The following PGBD5 variants were observed in gnomAD, a reference collection of about 807,000 sequenced individuals.
PGBD5 encodes piggyBac transposable element derived 5, also known as piggyBac transposable element-derived protein 5.
In PGBD5, 14 loss-of-function variants were observed where a neutral mutation model predicts 47.9. The ratio of observed to expected loss-of-function variants is 0.29; its 90% CI spans 0.19 to 0.46. The LOEUF (loss-of-function observed/expected upper bound fraction) is 0.46, where lower values mean the gene tolerates loss of function less well. PGBD5 is among the 20% of genes least tolerant of loss of function. PGBD5 has a pLI of 1.00. For synonymous variants in PGBD5, 316 were observed against 306.3 expected (o/e 1.03, Z -0.33); for missense variants, 635 against 716.0 (o/e 0.89, Z 1.29).
rs1000689634 is a variant in PGBD5 at position 230,380,994 on chromosome 1, G to A, written c.332-23673C>T. ...CAGGAGTGGGTGGCCGTCTGCGGCCGTGTTCTCCCTAGAGAGGAGTGACAA... is the reference window on the plus strand; with the variant it reads ...CAGGAGTGGGTGGCCGTCTGCGGCCATGTTCTCCCTAGAGAGGAGTGACAA... On this transcript the variant is annotated intron_variant, in intron 1 of 6. Transcript: ENST00000391860. Among the ~76,000 whole-genome samples the A allele has an allele frequency of 5.9e-5, 9 of 152,244 alleles. No individual in the cohort carries two copies. The East Asian group carries it at 1.3e-3, about 23-fold the overall frequency.
At chr1:230,393,949 G>A (rs958971067) in intron 1 of PGBD5, among the ~76,000 whole-genome samples, 11 of 151,874 alleles carry the variant, frequency 7.2e-5, no homozygotes, top group African/African-American at 9.7e-5. Flanking sequence ...CACCTGCCCC[G>A]GCCTGGCATC....
chr1:230,425,930 G>A lies in PGBD5; in HGVS notation c.-2C>T, dbSNP rs1412223399. ...CGCGCCCCCGCCGCCCTCGGCCATGGCCCCGGCCGCCGCCCGCGCGCCCGC... is the reference window on the plus strand; with the variant it reads ...CGCGCCCCCGCCGCCCTCGGCCATGACCCCGGCCGCCGCCCGCGCGCCCGC... On this transcript the variant is annotated 5_prime_UTR_variant, in exon 1 of 7. Coordinates refer to ENST00000391860, the MANE Select transcript of PGBD5 (RefSeq NM_001258311.2). This position sits in a 1 kb window ranked among gnomAD's most constrained non-coding sequence, Gnocchi z 4.7. 11 of 976,564 alleles carry A rather than the reference G, an allele frequency of 1.1e-5. No homozygotes were observed. The highest frequency in any genetic ancestry group is 1.2e-5 in the Non-Finnish European group (10 of 839,082). The allele number at this position is 976,564 out of a possible 1,614,324, so 60.5% of individuals were successfully genotyped here.
intron 3 of PGBD5, among the ~76,000 whole-genome samples, chr1:230,344,737 C>T (rs1667453129): frequency 2.0e-5 from 3 of 152,072 alleles, no homozygotes; most frequent in Admixed American, 2.0e-4. Context: ...TGGGGGTTAC[C>T]ATCTTGAATT....
At chr1:230,371,359 A>C (rs1460278746) in intron 1 of PGBD5, among the ~76,000 whole-genome samples, 1 of 152,186 alleles carries the variant, frequency 6.6e-6, no homozygotes, top group Non-Finnish European at 1.5e-5. Flanking sequence ...TAGTCGGGCC[A>C]GGCCATCGAG....
intron 1 of PGBD5, among the ~76,000 whole-genome samples, chr1:230,388,581 A>G (rs2102730945): frequency 6.6e-6 from 1 of 152,076 alleles, no homozygotes; most frequent in East Asian, 1.9e-4. Flanking sequence ...ACACCCGGCT[A>G]ATTTTTTGTA....
At position 230,321,274 on chromosome 1, in the gene PGBD5, A is replaced by C. The variant is rs1667027770; in HGVS notation, c.*2151T>G. On this transcript the variant is annotated 3_prime_UTR_variant, in exon 7 of 7. Coordinates refer to ENST00000391860, the MANE Select transcript of PGBD5 (RefSeq NM_001258311.2). ...GTTTGAGACACCAAGAACAGTTAAT[A>C]TCATACACACCAGATTATATAACAA... The C allele has an allele frequency of 1.3e-5, 2 of 152,232 alleles. No individual in the cohort carries two copies. The highest frequency in any genetic ancestry group is 1.3e-4 in the Admixed American group (2 of 15,278). The allele number at this position is 152,232 out of a possible 1,614,324, so 9.4% of individuals were successfully genotyped here.
At chr1:230,366,735 T>C (rs184213425) in intron 1 of PGBD5, among the ~76,000 whole-genome samples, 24 of 152,214 alleles carry the variant, frequency 1.6e-4, no homozygotes, top group African/African-American at 4.8e-4. Context: ...ATGAGGTGGC[T>C]TGCATGGTGC....
chr1:230,408,689 C>T (rs773133376), intron 1 of PGBD5, among the ~76,000 whole-genome samples: 2 of 152,066 alleles, frequency 1.3e-5, no homozygotes, highest in Non-Finnish European at 2.9e-5. Flanking sequence ...GGAAACCTTA[C>T]ATCATATACC....
intron 3 of PGBD5, among the ~76,000 whole-genome samples, chr1:230,342,164 G>T (rs1383847430): frequency 6.6e-6 from 1 of 152,038 alleles, no homozygotes; most frequent in Non-Finnish European, 1.5e-5. Context: ...GAACAGTAAG[G>T]CTAGTGGCAG....
intron 1 of PGBD5, among the ~76,000 whole-genome samples, chr1:230,402,631 T>G (rs1657169591): frequency 1.3e-5 from 2 of 152,028 alleles, no homozygotes; most frequent in African/African-American, 4.8e-5. Context: ...TTTTTAAAAT[T>G]TTTTGTAGAG....
intron 1 of PGBD5, among the ~76,000 whole-genome samples, chr1:230,366,958 A>G (rs1173481853): frequency 2.6e-5 from 4 of 152,014 alleles, no homozygotes; most frequent in African/African-American, 4.8e-5. Context: ...CTTGGGTACC[A>G]AAAGGACGGC....
At chr1:230,346,052 T>C (rs1181651692) in intron 3 of PGBD5, among the ~76,000 whole-genome samples, 1 of 152,024 alleles carries the variant, frequency 6.6e-6, no homozygotes. Flanking sequence ...GATATTTTCT[T>C]TTTTTTTGAG....
intron 1 of PGBD5, among the ~76,000 whole-genome samples, chr1:230,364,075 A>T (rs1211340815): frequency 6.6e-6 from 1 of 152,248 alleles, no homozygotes; most frequent in Non-Finnish European, 1.5e-5. Context: ...TCAGTCACTC[A>T]GTCACGAGTG....
chr1:230,325,240 G>A, intron 6 of PGBD5, 70 bp downstream of exon 6: 2 of 1,118,048 alleles, frequency 1.8e-6, no homozygotes, highest in Non-Finnish European at 2.7e-6. Context: ...GTGATCATCT[G>A]CCATTACATC....
At chr1:230,420,647 C>G (rs1657626942) in intron 1 of PGBD5, among the ~76,000 whole-genome samples, 1 of 152,162 alleles carries the variant, frequency 6.6e-6, no homozygotes, top group African/African-American at 2.4e-5. Flanking sequence ...TGCAGCCATC[C>G]ATGTAAGATG....
At chr1:230,342,036 A>G (rs1667414053) in intron 3 of PGBD5, among the ~76,000 whole-genome samples, 1 of 152,204 alleles carries the variant, frequency 6.6e-6, no homozygotes, top group South Asian at 2.1e-4. Context: ...TATGGATTAT[A>G]GCAGTTAATA....
chr1:230,374,925 G>C (rs1667987938), intron 1 of PGBD5, among the ~76,000 whole-genome samples: 1 of 152,198 alleles, frequency 6.6e-6, no homozygotes, highest in African/African-American at 2.4e-5. Flanking sequence ...CATGAGGAGA[G>C]AGCAGGCATG....
intron 1 of PGBD5, among the ~76,000 whole-genome samples, chr1:230,366,271 C>T (rs559046582): frequency 1.2e-4 from 19 of 152,276 alleles, no homozygotes; most frequent in African/African-American, 4.6e-4. Context: ...TTTCACTCAT[C>T]CTTAGTACAA....
In PGBD5 at chr1:230,381,265, TGTGAGCACACTCAG is replaced by T. The variant is rs1284379496; in HGVS notation, c.332-23958_332-23945del. Among the ~76,000 whole-genome samples the T allele has an allele frequency of 2.0e-5, 3 of 152,220 alleles. No homozygotes were observed. The East Asian group carries it at 5.8e-4, about 29-fold the overall frequency. The stretch of plus-strand genomic sequence containing the variant: ...TTCTCAGCATGTCCCGCTGCCAGGT[TGTGAGCACACTCAG>T]GTATAGTATAATCCTGGCACCAACA... On this transcript the variant is annotated intron_variant, in intron 1 of 6. Coordinates refer to ENST00000391860, the MANE Select transcript of PGBD5 (RefSeq NM_001258311.2).
Sources: allele counts gnomAD v4.1 joint callset (sites outside exome capture counted in the v4.1 genomes callset), GRCh38; gene constraint gnomAD v4.1.1; non-coding constraint Gnocchi (gnomAD v3.1); transcripts MANE v1.5; gene names NCBI Gene and HGNC (gene_info 2026-07-23, HGNC 2026-07-21).